Variants in SETD9 observed in about 807,000 individuals in gnomAD.
SETD9 encodes the protein SET domain-containing protein 9.
SETD9 carries 37 observed loss-of-function variants against 36.4 expected under a neutral mutation model. That is an observed-to-expected ratio of 1.02 (90% confidence interval 0.78 to 1.34). SETD9 has a LOEUF of 1.34. Ranked by LOEUF, SETD9 falls within the 40% of genes most tolerant of loss-of-function variation. SETD9 has a pLI of 0.00. For missense variants in SETD9, 323 were observed against 353.2 expected (o/e 0.91, Z 0.69); for synonymous variants, 128 against 132.9 (o/e 0.96, Z 0.26).
At chr5:56,925,259 T>G (rs1232482456) in intron 5 of SETD9, 1 of 432,456 alleles carries the variant, frequency 2.3e-6, no homozygotes, top group Non-Finnish European at 4.6e-6. Flanking sequence ...GTCTAGCTAA[T>G]GCAGTAAGAC....
chr5:56,917,937 C>CTGAT (rs1749499427), downstream of SETD9, among the ~76,000 whole-genome samples: 1 of 152,206 alleles, frequency 6.6e-6, no homozygotes, highest in Non-Finnish European at 1.5e-5. Flanking sequence ...TGACCAGATT[C>CTGAT]TGATTACCTT....
chr5:56,912,554 G>C lies in SETD9; in HGVS notation c.467-457G>C, dbSNP rs559063198. Among the ~76,000 whole-genome samples, 4 of 152,268 alleles carry C rather than the reference G, an allele frequency of 2.6e-5. No homozygotes were observed. The South Asian group carries it at 8.3e-4, about 32-fold the overall frequency. On this transcript the variant is annotated intron_variant, in intron 2 of 5. Coordinates refer to ENST00000285947, the MANE Select transcript of SETD9 (RefSeq NM_153706.4). ...GATTAACATGCCTGGAACATAGGAA[G>C]CACTCGGTAAATATTTTCTCATTTC...
chr5:56,923,409 T>C, intron 5 of SETD9: 1 of 1,614,150 alleles, frequency 6.2e-7, no homozygotes, highest in Non-Finnish European at 8.5e-7. Context: ...TAAAATCCAG[T>C]CTCAAATAAA....
chr5:56,911,235 A>G lies in SETD9; in HGVS notation c.165A>G (p.Thr55=). ...TCTCAGATGAAGATGTCCTAGGAACATTACTGAAAGTTTTCCAGGCTCTAT... is the reference window on the plus strand; with the variant it reads ...TCTCAGATGAAGATGTCCTAGGAACGTTACTGAAAGTTTTCCAGGCTCTAT... The part of the protein sequence containing the change: ...KVISDEDVLG[T]LLKVFQALFL... Residue 55 remains threonine (T), a synonymous_variant, in exon 2 of 6, where the codon ACA becomes ACG. Transcript: ENST00000285947. 1 of 1,604,158 alleles carries G rather than the reference A, an allele frequency of 6.2e-7. No individual in the cohort carries two copies. Among genetic ancestry groups the G allele is most frequent in the Middle Eastern group, 1.7e-4 (1 of 5,992 alleles).
chr5:56,909,955 G>A (rs1749016409), intron 1 of SETD9: 21 of 1,168,860 alleles, frequency 1.8e-5, no homozygotes, highest in Non-Finnish European at 2.4e-5. Flanking sequence ...GGGCGGGGCC[G>A]AGGTTGGTGG....
In SETD9 at chr5:56,917,086, C is replaced by T. The variant is rs1195608391; in HGVS notation, c.*184C>T. On this transcript the variant is annotated 3_prime_UTR_variant, in exon 6 of 6. Coordinates refer to ENST00000285947, the MANE Select transcript of SETD9 (RefSeq NM_153706.4). ...ATTTCATGATAAAAGCTACTTGCTT[C>T]ATTACAATTTCAAATTTGTAATGCA... 7.8e-7 allele frequency: 1 copy of T among 1,274,496 alleles called. No individual in the cohort carries two copies. The highest frequency in any genetic ancestry group is 1.6e-5 in the African/African-American group (1 of 63,880). The allele number at this position is 1,274,496 out of a possible 1,614,324, so 78.9% of individuals were successfully genotyped here.
Position 56,923,136 on chromosome 5 carries a change from A to G in SETD9, c.813-2197A>G, listed in dbSNP as rs764081729. On this transcript the variant is annotated intron_variant, in intron 5 of 5. Coordinates refer to the SETD9 transcript ENST00000628593. ...CGGGATCCTCACTCAGGTCACTCAG[A>G]GTGTAGGGCCGCGTGCTGATGCAGA... 8 of 1,612,654 alleles carry G rather than the reference A, an allele frequency of 5.0e-6. No individual in the cohort carries two copies. The South Asian group carries it at 8.8e-5, about 18-fold the overall frequency.
intron 5 of SETD9, chr5:56,923,250 G>C: frequency 1.2e-6 from 2 of 1,614,128 alleles, no homozygotes; most frequent in South Asian, 1.1e-5. Flanking sequence ...CTGGTGATGT[G>C]ATGTGTGTGA....
chr5:56,919,596 A>C (rs994040768), downstream of SETD9: 1 of 152,598 alleles, frequency 6.6e-6, no homozygotes. Flanking sequence ...CACACAAACC[A>C]AGAAAAAAAG....
chr5:56,912,955 C>A, intron 2 of SETD9, 56 bp from the exon 3 acceptor site: 1 of 1,548,192 alleles, frequency 6.5e-7, no homozygotes, highest in Non-Finnish European at 8.9e-7. Flanking sequence ...GTTCTTATCG[C>A]AGTGTTTATG....
In SETD9 at chr5:56,911,229, A is replaced by G; in HGVS notation, c.159A>G (p.Leu53=). 2 of 1,600,200 alleles carry G rather than the reference A, an allele frequency of 1.2e-6. No homozygotes were observed. Among genetic ancestry groups the G allele is most frequent in the Non-Finnish European group, 1.7e-6 (2 of 1,174,184 alleles). The change falls in exon 2 of 6, where the codon CTA becomes CTG. Residue 53 remains leucine (L), a synonymous_variant. Coordinates refer to ENST00000285947, the MANE Select transcript of SETD9 (RefSeq NM_153706.4). Reference sequence around the variant, plus strand: ...AAGTTATCTCAGATGAAGATGTCCTAGGAACATTACTGAAAGTTTTCCAGG... The same window carrying G: ...AAGTTATCTCAGATGAAGATGTCCTGGGAACATTACTGAAAGTTTTCCAGG... ...KDKVISDEDV[L]GTLLKVFQAL...
chr5:56,925,535 G>A, downstream of SETD9: 2 of 225,250 alleles, frequency 8.9e-6, no homozygotes, highest in Non-Finnish European at 1.8e-5. Context: ...AAATACTTGG[G>A]TATAAATATA....
chr5:56,923,981 C>T, intron 5 of SETD9: 2 of 1,614,026 alleles, frequency 1.2e-6, no homozygotes, highest in Non-Finnish European at 1.7e-6. Flanking sequence ...GTAATCATAA[C>T]GTTCAGATTT....
chr5:56,909,482 G>C (rs560225335), upstream of SETD9: 14 of 538,836 alleles, frequency 2.6e-5, no homozygotes, highest in Non-Finnish European at 4.2e-5. Flanking sequence ...AAAGGGGAAG[G>C]ACGAAGCCCC....
At chr5:56,916,026 T>C (rs1749407177) in intron 5 of SETD9, among the ~76,000 whole-genome samples, 2 of 152,154 alleles carry the variant, frequency 1.3e-5, no homozygotes, top group African/African-American at 4.8e-5. Flanking sequence ...TGTATGTTTG[T>C]GTGTTTAACT....
intron 5 of SETD9, chr5:56,923,915 G>A (rs760775999): frequency 3.7e-6 from 6 of 1,614,058 alleles, no homozygotes; most frequent in South Asian, 1.1e-5. Context: ...CAGTACTTAC[G>A]TAACTCCAGG....
downstream of SETD9, chr5:56,919,869 C>CTAA (rs1037984461): frequency 1.3e-5 from 2 of 152,516 alleles, no homozygotes; most frequent in African/African-American, 4.8e-5. Flanking sequence ...AACAATAAAA[C>CTAA]TAATAGTTTC....
chr5:56,913,620 G>C (rs895642243), intron 3 of SETD9, among the ~76,000 whole-genome samples: 1 of 152,092 alleles, frequency 6.6e-6, no homozygotes, highest in Non-Finnish European at 1.5e-5. Context: ...TAGACCTCAA[G>C]TGATCTGCCT....
chr5:56,911,760 C>A (rs1749142234), intron 2 of SETD9, among the ~76,000 whole-genome samples: 1 of 152,168 alleles, frequency 6.6e-6, no homozygotes, highest in Admixed American at 6.5e-5. Flanking sequence ...CTTTTTCTTT[C>A]AAGGAAAGCT....
Sources: gnomAD v4.1 joint callset for allele counts (sites outside exome capture counted in the v4.1 genomes callset) on GRCh38, gnomAD v4.1.1 for gene constraint, MANE v1.5 for transcripts, NCBI Gene and HGNC (gene_info 2026-07-23, HGNC 2026-07-21) for gene names.